Variants in XRCC4 observed in about 807,000 individuals in gnomAD.
XRCC4 encodes DNA repair protein XRCC4.
XRCC4 carries 28 observed loss-of-function variants against 39.1 expected under a neutral mutation model. The observed-to-expected ratio is 0.72, with a 90% CI of 0.53 to 0.98. XRCC4 has a LOEUF of 0.98. Among genes scored for constraint, XRCC4 ranks in the 50% least tolerant of loss-of-function variants. The probability of loss-of-function intolerance (pLI) is 0.00; values close to 1 mark genes in which losing one functional copy is unlikely to be tolerated. For missense variants in XRCC4, 350 were observed against 376.4 expected (o/e 0.93, Z 0.58); for synonymous variants, 123 against 126.4 (o/e 0.97, Z 0.18).
intron 3 of XRCC4, among the ~76,000 whole-genome samples, chr5:83,165,624 C>T (rs767615937): frequency 2.6e-5 from 4 of 152,116 alleles, no homozygotes; most frequent in Non-Finnish European, 5.9e-5. Context: ...TCCTCTCCCT[C>T]TCCCACCGTC....
Position 83,257,203 on chromosome 5 carries a change from A to T in XRCC4, c.746-1327A>T, listed in dbSNP as rs185893134. On this transcript the variant is annotated intron_variant, in intron 6 of 7. Coordinates refer to ENST00000396027, the MANE Select transcript of XRCC4 (RefSeq NM_003401.5). ...CATTCTGCAAAATTACACAGTAAAAATAACAGGCTTAAGGGAGAAAAAATT... is the reference window on the plus strand; with the variant it reads ...CATTCTGCAAAATTACACAGTAAAATTAACAGGCTTAAGGGAGAAAAAATT... Among the ~76,000 whole-genome samples, 28 of 152,260 alleles carry T rather than the reference A, an allele frequency of 1.8e-4. No individual in the cohort carries two copies. In the East Asian group the frequency reaches 4.8e-3, roughly 26 times the overall value.
intron 3 of XRCC4, among the ~76,000 whole-genome samples, chr5:83,156,689 G>A (rs747546047): frequency 1.3e-5 from 2 of 152,042 alleles, no homozygotes; most frequent in Non-Finnish European, 2.9e-5. Context: ...GAGACTTTCT[G>A]TTAATATGGC....
chr5:83,132,861 C>T (rs1440948095), intron 3 of XRCC4, among the ~76,000 whole-genome samples: 4 of 151,726 alleles, frequency 2.6e-5, no homozygotes, highest in Non-Finnish European at 4.4e-5. Flanking sequence ...TTGTTATGAC[C>T]GATCATCTGA....
At chr5:83,286,758 A>G (rs1438473167) in intron 7 of XRCC4, among the ~76,000 whole-genome samples, 2 of 152,142 alleles carry the variant, frequency 1.3e-5, no homozygotes, top group Non-Finnish European at 2.9e-5. Flanking sequence ...ACATAAAACT[A>G]ACCATCACAA....
intron 7 of XRCC4, among the ~76,000 whole-genome samples, chr5:83,265,901 C>T (rs1004615244): frequency 5.9e-5 from 9 of 152,078 alleles, no homozygotes; most frequent in East Asian, 1.9e-4. Context: ...CTACAATTCC[C>T]CTAGGCTATT....
At chr5:83,261,608 A>C (rs1466787990) in intron 7 of XRCC4, among the ~76,000 whole-genome samples, 1 of 52,264 alleles carries the variant, frequency 1.9e-5, no homozygotes, top group South Asian at 6.6e-4. Context: ...ACTATGGCTT[A>C]ATTTTTTTTT....
chr5:83,312,744 G>GA (rs28360302), intron 7 of XRCC4, among the ~76,000 whole-genome samples: 68 of 152,274 alleles, frequency 4.5e-4, no homozygotes, highest in Non-Finnish European at 9.1e-4. Context: ...ATGGAGGCAG[G>GA]AGTGAATGTG....
At chr5:83,289,338 G>A (rs1754836517) in intron 7 of XRCC4, among the ~76,000 whole-genome samples, 1 of 151,848 alleles carries the variant, frequency 6.6e-6, no homozygotes, top group East Asian at 1.9e-4. Flanking sequence ...GTAATTTTCT[G>A]TTGAAAGCTG....
the XRCC4 span, among the ~76,000 whole-genome samples, chr5:83,374,422 C>G: frequency 6.6e-6 from 1 of 152,164 alleles, no homozygotes; most frequent in Non-Finnish European, 1.5e-5. Context: ...GTGAGGCCTC[C>G]TCGGCCACAT....
At chr5:83,086,731 G>A (rs1308760005) in intron 1 of XRCC4, among the ~76,000 whole-genome samples, 2 of 152,194 alleles carry the variant, frequency 1.3e-5, no homozygotes, top group Non-Finnish European at 1.5e-5. Context: ...CAGTTGTTCA[G>A]CGATCAACTG....
At chr5:83,117,857 C>T (rs1449596971) in intron 3 of XRCC4, among the ~76,000 whole-genome samples, 2 of 151,824 alleles carry the variant, frequency 1.3e-5, no homozygotes. Flanking sequence ...GGTAGTAAGC[C>T]CAGCATGCAT....
At chr5:83,222,578 A>G (rs190022401) in intron 6 of XRCC4, among the ~76,000 whole-genome samples, 2 of 151,832 alleles carry the variant, frequency 1.3e-5, no homozygotes, top group Non-Finnish European at 2.9e-5. Flanking sequence ...TTTCTTCTTA[A>G]TTTCTTTATT....
intron 1 of XRCC4, among the ~76,000 whole-genome samples, chr5:83,094,082 T>C (rs1244469381): frequency 6.6e-6 from 1 of 152,202 alleles, no homozygotes; most frequent in East Asian, 1.9e-4. Flanking sequence ...TTACATGTTA[T>C]CGTCAACTCC....
chr5:83,195,329 C>G (rs1750893246), intron 3 of XRCC4, among the ~76,000 whole-genome samples: 1 of 152,090 alleles, frequency 6.6e-6, no homozygotes, highest in South Asian at 2.1e-4. Flanking sequence ...TTTCTCTTAG[C>G]TATAACAAAA....
At chr5:83,142,678 G>GT (rs28360074) in intron 3 of XRCC4, among the ~76,000 whole-genome samples, 72,624 of 151,590 alleles carry the variant, frequency 0.48, 18,254 homozygotes, top group African/African-American at 0.62. Flanking sequence ...TGAGTCTCCT[G>GT]TTTTTTTTGT....
chr5:83,094,068 A>G (rs1421661872), intron 1 of XRCC4, among the ~76,000 whole-genome samples: 1 of 152,054 alleles, frequency 6.6e-6, no homozygotes, highest in Admixed American at 6.6e-5. Context: ...TGATAGTTTG[A>G]TAATTACATG....
At chr5:83,273,927 G>A (rs929909447) in intron 7 of XRCC4, among the ~76,000 whole-genome samples, 4 of 151,434 alleles carry the variant, frequency 2.6e-5, no homozygotes, top group South Asian at 2.1e-4. Context: ...CCGTGTGGCC[G>A]TTACACCTTT....
intron 3 of XRCC4, among the ~76,000 whole-genome samples, chr5:83,143,605 C>T (rs952769296): frequency 3.9e-5 from 6 of 152,088 alleles, no homozygotes; most frequent in African/African-American, 1.4e-4. Context: ...ATTCCTCTAG[C>T]ATTTCCTGTA....
chr5:83,279,749 C>G lies in XRCC4; in HGVS notation c.893+21072C>G, dbSNP rs528046367. 3.9e-5 allele frequency among the ~76,000 whole-genome samples: 6 copies of G among 152,312 alleles called. No individual in the cohort carries two copies. In the South Asian group the frequency reaches 1.2e-3, roughly 32 times the overall value. ...TTGTAAATGCAGAAAATGATAATGT[C>G]TGTACAAGTGAATCTATATTCTATG... On this transcript the variant is annotated intron_variant, in intron 7 of 7. Coordinates refer to ENST00000396027, the MANE Select transcript of XRCC4 (RefSeq NM_003401.5).
Sources: allele counts gnomAD v4.1 joint callset (sites outside exome capture counted in the v4.1 genomes callset), GRCh38; gene constraint gnomAD v4.1.1; transcripts MANE v1.5; gene names NCBI Gene and HGNC (gene_info 2026-07-23, HGNC 2026-07-21).